The following GRM7 variants were observed in gnomAD, a reference collection of about 807,000 sequenced individuals.
GRM7 encodes the protein metabotropic glutamate receptor 7.
In GRM7, 35 loss-of-function variants were observed where a neutral mutation model predicts 84.5. The ratio of observed to expected loss-of-function variants is 0.41; its 90% CI spans 0.32 to 0.55. The LOEUF (loss-of-function observed/expected upper bound fraction) is 0.55. Ranked by LOEUF, GRM7 falls within the 20% of genes least tolerant of loss-of-function variation. The pLI is 0.19. For missense variants in GRM7, 1,003 were observed against 1,194.6 expected (o/e 0.84, Z 2.36); for synonymous variants, 487 against 455.1 (o/e 1.07, Z -0.89).
intron 2 of GRM7, among the ~76,000 whole-genome samples, chr3:7,155,869 C>T (rs1294617618): frequency 2.0e-5 from 3 of 152,154 alleles, no homozygotes; most frequent in African/African-American, 7.2e-5. Context: ...TTTGACCTTG[C>T]GTAGCTCCAA....
At chr3:6,955,471 A>G (rs1692998731) in intron 1 of GRM7, among the ~76,000 whole-genome samples, 1 of 151,718 alleles carries the variant, frequency 6.6e-6, no homozygotes, top group Admixed American at 6.6e-5. Context: ...TGGAAGTTAG[A>G]GGTTGCAGTG....
At chr3:7,356,361 G>A (rs1468042774) in intron 4 of GRM7, among the ~76,000 whole-genome samples, 1 of 151,766 alleles carries the variant, frequency 6.6e-6, no homozygotes. Flanking sequence ...GTGTATAGTG[G>A]TGTGATCTCG....
rs1328843041 is a variant in GRM7, at chr3:7,151,981, A to T, written c.736+5313A>T. On this transcript the variant is annotated intron_variant, in intron 2 of 9. Transcript: ENST00000357716. This position sits in a 1 kb window ranked among gnomAD's most constrained non-coding sequence, Gnocchi z 4.5. ...ACTCTGACACATTTTAAAACTAGGT[A>T]GATTATTTTCCTAATGAGGTGTTTG... is the stretch of plus-strand genomic sequence containing the variant. Among the ~76,000 whole-genome samples, 1 of 152,068 alleles carries T rather than the reference A, an allele frequency of 6.6e-6. No individual in the cohort carries two copies.
intron 4 of GRM7, among the ~76,000 whole-genome samples, chr3:7,356,920 T>TCACATACACACA (rs1553567163): frequency 1.2e-4 from 16 of 131,256 alleles, no homozygotes; most frequent in African/African-American, 4.1e-4. Context: ...GCCTTTTTGA[T>TCACATACACACA]CACACACACA....
At chr3:7,267,294 T>A (rs979337585) in intron 2 of GRM7, among the ~76,000 whole-genome samples, 2 of 152,230 alleles carry the variant, frequency 1.3e-5, no homozygotes, top group African/African-American at 4.8e-5. Context: ...GCTGAAGATA[T>A]GTGAACAAGG....
chr3:7,367,613 T>G (rs1471400813), intron 4 of GRM7, among the ~76,000 whole-genome samples: 1 of 151,866 alleles, frequency 6.6e-6, no homozygotes, highest in Non-Finnish European at 1.5e-5. Context: ...TTGAGGGCCC[T>G]GCATAATAAT....
Position 7,232,314 on chromosome 3 carries a change from T to C in GRM7, c.737-66370T>C, listed in dbSNP as rs535596368. On this transcript the variant is annotated intron_variant, in intron 2 of 9. Transcript: ENST00000357716. ...GTTGAATCAAAATATAGATTAACTT[T>C]TGACAAAACATAGGTCAATGCTTCA... Among the ~76,000 whole-genome samples the C allele has an allele frequency of 2.6e-5, 4 of 152,310 alleles. No homozygotes were observed. In the South Asian group the frequency reaches 8.3e-4, roughly 32 times the overall value.
At chr3:6,887,098 T>C (rs181389032) in intron 1 of GRM7, among the ~76,000 whole-genome samples, 88 of 152,232 alleles carry the variant, frequency 5.8e-4, no homozygotes, top group Non-Finnish European at 1.0e-3. Context: ...TTTATGAGTC[T>C]TGTTGAGGGA....
chr3:7,288,967 T>G lies in GRM7; in HGVS notation c.737-9717T>G, dbSNP rs529623869. Reference sequence around the variant, plus strand: ...ATCCTCTAATTTTCATGACTTAAAATGAATGATAAAAATGCCTGCTTTTTT... The same window carrying G: ...ATCCTCTAATTTTCATGACTTAAAAGGAATGATAAAAATGCCTGCTTTTTT... On this transcript the variant is annotated intron_variant, in intron 2 of 9. Transcript: ENST00000357716. Among the ~76,000 whole-genome samples the G allele has an allele frequency of 2.0e-5, 3 of 152,292 alleles. No individual in the cohort carries two copies. In the South Asian group the frequency reaches 6.2e-4, roughly 32 times the overall value.
At chr3:6,981,582 C>T (rs1694201137) in intron 1 of GRM7, among the ~76,000 whole-genome samples, 1 of 152,272 alleles carries the variant, frequency 6.6e-6, no homozygotes, top group Admixed American at 6.5e-5. Context: ...GGGAAGGCAC[C>T]TTCCGCACAG....
rs143673518 is a variant in GRM7, at chr3:6,948,499, T to G, written c.519+86592T>G. 1.4e-3 allele frequency among the ~76,000 whole-genome samples: 215 copies of G among 152,264 alleles called. 2 individuals carry two copies. The highest frequency in any genetic ancestry group is 5.0e-3 in the African/African-American group (208 of 41,542). On this transcript the variant is annotated intron_variant, in intron 1 of 9. Transcript: ENST00000357716. Reference sequence around the variant, plus strand: ...CCTATGAGGTCAATTTTGGAATAGGTGTGGTGTGGTTCTGAGAAGAATGTA... The same window carrying G: ...CCTATGAGGTCAATTTTGGAATAGGGGTGGTGTGGTTCTGAGAAGAATGTA...
At chr3:7,109,151 T>A (rs1281452039) in intron 1 of GRM7, among the ~76,000 whole-genome samples, 2 of 152,038 alleles carry the variant, frequency 1.3e-5, no homozygotes, top group African/African-American at 2.4e-5. Flanking sequence ...TCATTCCTTT[T>A]GTTTTAGTTG....
rs141503220 is a variant in GRM7 at position 7,389,194 on chromosome 3, C to T, written c.1034-25829C>T. Among the ~76,000 whole-genome samples, 33 of 152,126 alleles carry T rather than the reference C, an allele frequency of 2.2e-4. No individual in the cohort carries two copies. The East Asian group carries it at 6.2e-3, about 28-fold the overall frequency. On this transcript the variant is annotated intron_variant, in intron 4 of 9. Transcript: ENST00000357716. ...ATGAATTTGTGTGGTTTTGAGAGTT[C>T]CTCTTGGTATTGATTTTGGTATTTA... is the stretch of plus-strand genomic sequence containing the variant.
At chr3:7,169,758 G>A (rs1314752624) in intron 2 of GRM7, among the ~76,000 whole-genome samples, 1 of 152,126 alleles carries the variant, frequency 6.6e-6, no homozygotes, top group East Asian at 1.9e-4. Context: ...TGATAAATAG[G>A]AGATAAATAG....
At chr3:7,077,387 G>A (rs1033772797) in intron 1 of GRM7, among the ~76,000 whole-genome samples, 1 of 152,088 alleles carries the variant, frequency 6.6e-6, no homozygotes, top group Non-Finnish European at 1.5e-5. Context: ...GGAATACTAT[G>A]CAGCCATAAA....
At chr3:6,996,854 A>T (rs545350667) in intron 1 of GRM7, among the ~76,000 whole-genome samples, 1 of 152,156 alleles carries the variant, frequency 6.6e-6, no homozygotes, top group Admixed American at 6.5e-5. Flanking sequence ...TGACAAACCA[A>T]TCCCTGCAGC....
At chr3:7,662,732 G>T (rs989426226) in intron 8 of GRM7, among the ~76,000 whole-genome samples, 6 of 152,186 alleles carry the variant, frequency 3.9e-5, no homozygotes. Flanking sequence ...AGCAGGAAAT[G>T]AACAGATGGT....
Position 7,586,566 on chromosome 3 carries a change from G to A in GRM7, c.2451+7209G>A, listed in dbSNP as rs193212548. Among the ~76,000 whole-genome samples the A allele has an allele frequency of 2.5e-3, 376 of 152,278 alleles. 2 individuals carry two copies. The highest frequency in any genetic ancestry group is 7.5e-3 in the African/African-American group (313 of 41,548). ...CTCACGCCTGTAATTCCAGCACTTC[G>A]GGAGGCTGAGATGGGTGGATCACTT... is the stretch of plus-strand genomic sequence containing the variant. On this transcript the variant is annotated intron_variant, in intron 8 of 9. Transcript: ENST00000357716.
At chr3:7,253,012 TAAAAAAAA>T (rs539835390) in intron 2 of GRM7, among the ~76,000 whole-genome samples, 1 of 70,796 alleles carries the variant, frequency 1.4e-5, no homozygotes, top group African/African-American at 5.7e-5. Context: ...TGGCTTTTCT[TAAAAAAAA>T]AAAAAAAAAA....
Sources: gnomAD v4.1 joint callset for allele counts (sites outside exome capture counted in the v4.1 genomes callset) on GRCh38, gnomAD v4.1.1 for gene constraint, Gnocchi (gnomAD v3.1) non-coding constraint, MANE v1.5 for transcripts, NCBI Gene and HGNC (gene_info 2026-07-23, HGNC 2026-07-21) for gene names.